VPS13B: variants seen among roughly 807,000 people sequenced by gnomAD.
VPS13B encodes vacuolar protein sorting 13 homolog B.
A neutral mutation model predicts 426.4 loss-of-function variants in VPS13B; 285 were observed. The ratio of observed to expected loss-of-function variants is 0.67; its 90% CI spans 0.61 to 0.74. The LOEUF is 0.74. VPS13B is among the 30% of genes least tolerant of loss of function. VPS13B has a pLI of 0.00. For synonymous variants in VPS13B, 1,676 were observed against 1,676.4 expected, an observed-to-expected ratio of 1.00 and a Z score of 0.01; for missense variants, 4,537 against 4,782.6, an observed-to-expected ratio of 0.95 and a Z score of 1.51.
intron 30 of VPS13B, among the ~76,000 whole-genome samples, chr8:99,534,765 A>G (rs953343696): frequency 2.0e-5 from 3 of 152,184 alleles, no homozygotes; most frequent in African/African-American, 7.2e-5. Flanking sequence ...TACTGTCTTA[A>G]GTGTCTGATG....
chr8:99,418,512 T>C (rs13268993), intron 21 of VPS13B, among the ~76,000 whole-genome samples: 2 of 134,948 alleles, frequency 1.5e-5, no homozygotes, highest in Admixed American at 7.7e-5. Context: ...TCTTTCTTTC[T>C]TTCCTTTCTT....
rs1017361995 is a variant in VPS13B at position 99,087,583 on chromosome 8, T to G, written c.292-8729T>G. On this transcript the variant is annotated intron_variant, in intron 3 of 61. Coordinates refer to ENST00000357162, the MANE Select transcript of VPS13B (RefSeq NM_152564.5). Reference sequence around the variant, plus strand: ...AGCTGTAGACTGGCGTTGTTCCTATTCAGCCATCTTGGCTCCACCCACTGT... The same window carrying G: ...AGCTGTAGACTGGCGTTGTTCCTATGCAGCCATCTTGGCTCCACCCACTGT... 4.7e-5 allele frequency among the ~76,000 whole-genome samples: 7 copies of G among 149,900 alleles called. 1 individual carries two copies. The East Asian group carries it at 1.4e-3, about 29-fold the overall frequency.
intron 19 of VPS13B, among the ~76,000 whole-genome samples, chr8:99,335,812 G>C (rs1421445172): frequency 6.6e-6 from 1 of 152,144 alleles, no homozygotes; most frequent in African/African-American, 2.4e-5. Flanking sequence ...TACAAGGGTC[G>C]TGAAGGACCT....
At chr8:99,791,007 T>A (rs1385790261) in intron 43 of VPS13B, among the ~76,000 whole-genome samples, 3 of 152,170 alleles carry the variant, frequency 2.0e-5, no homozygotes, top group Non-Finnish European at 4.4e-5. Context: ...ATAATCTACG[T>A]ACCCAGAGAG....
chr8:99,792,736 G>C (rs1054703277), intron 43 of VPS13B, among the ~76,000 whole-genome samples: 3 of 152,152 alleles, frequency 2.0e-5, no homozygotes, highest in African/African-American at 4.8e-5. Context: ...GTCTTACCAA[G>C]TCAAGCCTCC....
chr8:99,052,612 A>G (rs1200018055), intron 3 of VPS13B, among the ~76,000 whole-genome samples: 1 of 145,114 alleles, frequency 6.9e-6, no homozygotes, highest in Non-Finnish European at 1.5e-5. Context: ...AATGGTACCA[A>G]CTCCTCCTTG....
chr8:99,253,911 T>A (rs750418476), intron 17 of VPS13B, among the ~76,000 whole-genome samples: 1 of 152,166 alleles, frequency 6.6e-6, no homozygotes, highest in South Asian at 2.1e-4. Context: ...TTTTTAATGA[T>A]TGTTTTAGGT....
At chr8:99,382,502 G>A (rs1813870876) in intron 19 of VPS13B, among the ~76,000 whole-genome samples, 1 of 151,870 alleles carries the variant, frequency 6.6e-6, no homozygotes, top group African/African-American at 2.4e-5. Context: ...CTTTGAGCAT[G>A]TTTTATAGTT....
intron 19 of VPS13B, among the ~76,000 whole-genome samples, chr8:99,377,813 G>A (rs1266669821): frequency 3.9e-5 from 6 of 152,156 alleles, no homozygotes; most frequent in South Asian, 2.1e-4. Context: ...CAAAGGGGAG[G>A]GAGTGTATGA....
chr8:99,139,683 C>A (rs190931141), intron 12 of VPS13B, among the ~76,000 whole-genome samples: 1 of 151,932 alleles, frequency 6.6e-6, no homozygotes, highest in South Asian at 2.1e-4. Flanking sequence ...GTGATCCACC[C>A]GCTTCAGCCT....
In VPS13B at chr8:99,556,515, T is replaced by C; in HGVS notation, c.4811T>C (p.Ile1604Thr). 6.2e-7 allele frequency: 1 copy of C among 1,613,220 alleles called. No homozygotes were observed. Among genetic ancestry groups the C allele is most frequent in the South Asian group, 1.1e-5 (1 of 91,068 alleles). Residue 1604 changes from isoleucine to threonine, a missense_variant, in exon 31 of 62, where the codon ATA becomes ACA. Ile to Thr is a moderately conservative substitution (Grantham distance 89). Around this residue, in one of 2 missense-constraint regions of VPS13B, gnomAD observed 4,311 missense variants for 4,474.3 expected, o/e 0.96. Transcript: ENST00000357162. ...GAAATCGAAGACAGACAATACCAAA[T>C]AGATCTGCAGTCCATCAATATTGGT... is the stretch of plus-strand genomic sequence containing the variant. ...GSEIEDRQYQ[I>T]DLQSINIGTA...
At chr8:99,423,416 C>T (rs1244029009) in intron 21 of VPS13B, among the ~76,000 whole-genome samples, 2 of 146,730 alleles carry the variant, frequency 1.4e-5, no homozygotes, top group African/African-American at 5.1e-5. Flanking sequence ...GTCACAACAT[C>T]TAGCTAATTT....
intron 33 of VPS13B, among the ~76,000 whole-genome samples, chr8:99,640,068 A>C: frequency 7.3e-6 from 1 of 136,270 alleles, no homozygotes; most frequent in South Asian, 2.4e-4. Context: ...AAAGAAAAGA[A>C]AAGAAAAGAA....
chr8:99,090,605 G>A (rs952808437), intron 3 of VPS13B, among the ~76,000 whole-genome samples: 1 of 151,920 alleles, frequency 6.6e-6, no homozygotes, highest in Non-Finnish European at 1.5e-5. Context: ...GTTTACATAG[G>A]TTTTGTTATT....
chr8:99,739,530 G>C (rs924050296), intron 39 of VPS13B, among the ~76,000 whole-genome samples: 1 of 152,196 alleles, frequency 6.6e-6, no homozygotes, highest in Non-Finnish European at 1.5e-5. Flanking sequence ...GCCTCCTCAA[G>C]TGTGTCCCTG....
chr8:99,266,018 A>G (rs1168184163), intron 17 of VPS13B, among the ~76,000 whole-genome samples: 2 of 152,212 alleles, frequency 1.3e-5, no homozygotes, highest in Non-Finnish European at 2.9e-5. Flanking sequence ...AGAAGTAATC[A>G]TATGGTTTGA....
At chr8:99,206,843 C>T (rs1814754705) in intron 17 of VPS13B, among the ~76,000 whole-genome samples, 1 of 152,044 alleles carries the variant, frequency 6.6e-6, no homozygotes, top group African/African-American at 2.4e-5. Context: ...AACTACTTCC[C>T]CCAACACCAT....
Position 99,135,715 on chromosome 8 carries a change from G to A in VPS13B, c.1545G>A (p.Leu515=). Residue 515 remains leucine (L), a synonymous_variant, in exon 11 of 62, where the codon TTG becomes TTA. Coordinates refer to ENST00000357162, the MANE Select transcript of VPS13B (RefSeq NM_152564.5). ...ENNGTRAEFI[L]DSTHHKETYT... is the part of the protein sequence containing the mutation. ...ATGGTACTCGCGCAGAATTTATCTT[G>A]GATTCAACTCATCATAAGGTTAGAG... 1 of 1,613,136 alleles carries A rather than the reference G, an allele frequency of 6.2e-7. No individual in the cohort carries two copies. Among genetic ancestry groups the A allele is most frequent in the Non-Finnish European group, 8.5e-7 (1 of 1,179,384 alleles).
At chr8:99,587,432 C>G (rs2133830481) in intron 33 of VPS13B, among the ~76,000 whole-genome samples, 1 of 151,816 alleles carries the variant, frequency 6.6e-6, no homozygotes, top group East Asian at 1.9e-4. Context: ...AGTTTATACT[C>G]CCACCAACAG....
Sources: allele counts gnomAD v4.1 joint callset (sites outside exome capture counted in the v4.1 genomes callset), GRCh38; gene constraint gnomAD v4.1.1; regional missense constraint gnomAD v4.1.1; transcripts MANE v1.5; gene names NCBI Gene and HGNC (gene_info 2026-07-23, HGNC 2026-07-21).